Variants in YIPF7 observed in about 807,000 individuals in gnomAD.
The protein encoded by YIPF7 is protein YIPF7.
YIPF7 carries 35 observed loss-of-function variants against 27.2 expected under a neutral mutation model. The observed-to-expected ratio is 1.29, with a 90% CI of 0.98 to 1.70. The LOEUF (loss-of-function observed/expected upper bound fraction) is 1.70, where lower values mean the gene tolerates loss of function less well. YIPF7 is among the 40% of genes most tolerant of loss of function. YIPF7 has a pLI of 0.00. For missense variants in YIPF7, 358 were observed against 303.7 expected, an observed-to-expected ratio of 1.18 and a Z score of -1.33; for synonymous variants, 137 against 110.4, an observed-to-expected ratio of 1.24 and a Z score of -1.51.
chr4:44,635,869 A>G, intron 3 of YIPF7, 53 bp downstream of exon 3: 1 of 1,581,240 alleles, frequency 6.3e-7, no homozygotes, highest in South Asian at 1.2e-5. Context: ...AGTGCTAATT[A>G]TTGCTATTAT....
chr4:44,651,680 C>T, upstream of YIPF7: 1 of 1,313,672 alleles, frequency 7.6e-7, no homozygotes, highest in African/African-American at 1.5e-5. Context: ...TGTATTCTGA[C>T]ACCCTGAGCA....
rs528093064 is a variant in YIPF7 at position 44,644,557 on chromosome 4, T to C, written c.116+5428A>G. On this transcript the variant is annotated intron_variant, in intron 2 of 5. Coordinates refer to ENST00000415895, the MANE Select transcript of YIPF7 (RefSeq NM_182592.3). ...CCCTTTTAGAATGCCTACACCTCTA[T>C]TGTAACTTGGAAGTTACTAATTTGT... Among the ~76,000 whole-genome samples the C allele has an allele frequency of 1.3e-3, 191 of 152,304 alleles. 1 individual carries two copies. The highest frequency in any genetic ancestry group is 2.1e-3 in the Non-Finnish European group (143 of 68,018).
rs759032049 is a variant in YIPF7 at position 44,636,081 on chromosome 4, G to A, written c.121C>T (p.Gln41Ter). The A allele has an allele frequency of 6.9e-6, 11 of 1,601,174 alleles. No homozygotes were observed. The South Asian group carries it at 1.1e-4, about 16-fold the overall frequency. The change falls in exon 3 of 6, where the codon CAA (glutamine) becomes TAA (stop). Residue 41 changes from glutamine to a stop codon, truncating the protein, a stop_gained. Transcript: ENST00000415895. LOFTEE classifies it high-confidence loss of function. ...GCAGGCTGAGGCTGCTCACCAGCTT[G>A]TTGTCTAGAAAAAGAAAAATACAAA... ...YGNLYGSRKQ[Q>*]AGEQPQPASF...
Position 44,651,567 on chromosome 4 carries a change from T to C in YIPF7, c.-15A>G. 6.3e-7 allele frequency: 1 copy of C among 1,580,652 alleles called. No homozygotes were observed. The highest frequency in any genetic ancestry group is 8.6e-7 in the Non-Finnish European group (1 of 1,162,348). On this transcript the variant is annotated 5_prime_UTR_variant, in exon 1 of 6. Transcript: ENST00000415895. ...TCAGACACATACCTCTGTTTATTTTTTATAGAAAGATCCTCCAGTAAATGT... is the reference window on the plus strand; with the variant it reads ...TCAGACACATACCTCTGTTTATTTTCTATAGAAAGATCCTCCAGTAAATGT...
At chr4:44,627,357 AT>A (rs1223653934) in intron 4 of YIPF7, among the ~76,000 whole-genome samples, 1 of 152,238 alleles carries the variant, frequency 6.6e-6, no homozygotes, top group Non-Finnish European at 1.5e-5. Flanking sequence ...TTATGTCAAC[AT>A]AAATCTTAAA....
intron 2 of YIPF7, among the ~76,000 whole-genome samples, chr4:44,648,306 A>G (rs2109599153): frequency 6.6e-6 from 1 of 152,242 alleles, no homozygotes; most frequent in East Asian, 1.9e-4. Context: ...TCTGAAAACT[A>G]GAAATCCGAA....
intron 1 of YIPF7, 91 bp downstream of exon 1, chr4:44,651,463 T>A (rs1380029597): frequency 2.8e-6 from 2 of 725,480 alleles, no homozygotes; most frequent in Non-Finnish European, 4.2e-6. Flanking sequence ...CAAAGCTTTA[T>A]GTAACATGAC....
At chr4:44,647,244 G>A (rs942054275) in intron 2 of YIPF7, among the ~76,000 whole-genome samples, 2 of 152,096 alleles carry the variant, frequency 1.3e-5, no homozygotes, top group Admixed American at 6.6e-5. Context: ...TGATTTCTAG[G>A]AAATGTTCAG....
intron 2 of YIPF7, among the ~76,000 whole-genome samples, chr4:44,646,213 G>T (rs1283851923): frequency 6.6e-6 from 1 of 152,134 alleles, no homozygotes; most frequent in Admixed American, 6.5e-5. Flanking sequence ...GTAAATTTCC[G>T]ATTAAGCTTG....
chr4:44,657,655 G>A (rs1343126056), intron 2 of YIPF7, among the ~76,000 whole-genome samples: 1 of 152,122 alleles, frequency 6.6e-6, no homozygotes, highest in African/African-American at 2.4e-5. Flanking sequence ...CAGTCTTTCC[G>A]TCGTGCACCA....
In YIPF7 at chr4:44,649,999, A is replaced by T. The variant is rs953118839; in HGVS notation, c.102T>A (p.Leu34=). The T allele has an allele frequency of 1.9e-6, 3 of 1,550,820 alleles. No individual in the cohort carries two copies. The highest frequency in any genetic ancestry group is 8.8e-7 in the Non-Finnish European group (1 of 1,142,462). Reference sequence around the variant, plus strand: ...TAAGTACTTACTTTCTAGATCCATAAAGATTTCCATAGGCATTAGAGTCAT... The same window carrying T: ...TAAGTACTTACTTTCTAGATCCATATAGATTTCCATAGGCATTAGAGTCAT... The part of the protein sequence containing the change: ...SGNDSNAYGN[L]YGSRKQQAGE... Residue 34 remains leucine (L), a synonymous_variant, in exon 2 of 6, where the codon CTT becomes CTA. Transcript: ENST00000415895.
intron 4 of YIPF7, among the ~76,000 whole-genome samples, chr4:44,628,730 T>C (rs1295893700): frequency 6.6e-6 from 1 of 152,156 alleles, no homozygotes; most frequent in African/African-American, 2.4e-5. Flanking sequence ...TTTACTTAGG[T>C]GGAAGTACAT....
At chr4:44,651,473 C>T in intron 1 of YIPF7, 81 bp downstream of exon 1, 1 of 812,666 alleles carries the variant, frequency 1.2e-6, no homozygotes, top group Non-Finnish European at 1.8e-6. Flanking sequence ...TGTAACATGA[C>T]TATTGGTACT....
At chr4:44,649,545 C>A (rs1010204607) in intron 2 of YIPF7, among the ~76,000 whole-genome samples, 12 of 151,728 alleles carry the variant, frequency 7.9e-5, no homozygotes, top group African/African-American at 1.9e-4. Context: ...CCCAGCGGGG[C>A]GGATCACTTG....
chr4:44,646,244 G>A (rs1208335332), intron 2 of YIPF7, among the ~76,000 whole-genome samples: 1 of 152,174 alleles, frequency 6.6e-6, no homozygotes, highest in Non-Finnish European at 1.5e-5. Context: ...CAATCTAAGT[G>A]CCCTTGGTAA....
intron 2 of YIPF7, among the ~76,000 whole-genome samples, chr4:44,645,359 C>T (rs1407777743): frequency 6.6e-6 from 1 of 152,120 alleles, no homozygotes; most frequent in Non-Finnish European, 1.5e-5. Context: ...TCTTTCAAGC[C>T]TACAATATCC....
At chr4:44,658,484 G>A (rs952036528) in intron 2 of YIPF7, among the ~76,000 whole-genome samples, 2 of 152,116 alleles carry the variant, frequency 1.3e-5, no homozygotes, top group Non-Finnish European at 2.9e-5. Flanking sequence ...TACGCATCCT[G>A]GGAACTATAG....
chr4:44,636,524 C>T lies in YIPF7; in HGVS notation c.117-439G>A, dbSNP rs1465490533. Among the ~76,000 whole-genome samples the T allele has an allele frequency of 3.3e-5, 5 of 152,288 alleles. No homozygotes were observed. In the South Asian group the frequency reaches 8.3e-4, roughly 25 times the overall value. Reference sequence around the variant, plus strand: ...CTCGCCACACACTGATGCTTTTTAACTTATCTTCAGGGACAGTCTCCAGCC... The same window carrying T: ...CTCGCCACACACTGATGCTTTTTAATTTATCTTCAGGGACAGTCTCCAGCC... On this transcript the variant is annotated intron_variant, in intron 2 of 5. Transcript: ENST00000415895.
intron 2 of YIPF7, among the ~76,000 whole-genome samples, chr4:44,638,050 TC>T (rs1713193023): frequency 6.6e-6 from 1 of 151,898 alleles, no homozygotes; most frequent in African/African-American, 2.4e-5. Context: ...CAGACAATTC[TC>T]AAAAGAAGAT....
Sources: allele counts gnomAD v4.1 joint callset (sites outside exome capture counted in the v4.1 genomes callset), GRCh38; gene constraint gnomAD v4.1.1; transcripts MANE v1.5; gene names NCBI Gene and HGNC (gene_info 2026-07-23, HGNC 2026-07-21).